SAMD13: variants seen among roughly 807,000 people sequenced by gnomAD.
The protein encoded by SAMD13 is sterile alpha motif domain containing 13.
In SAMD13, 9 loss-of-function variants were observed where a neutral mutation model predicts 12.4. The observed-to-expected ratio is 0.72, with a 90% CI of 0.44 to 1.26. The LOEUF (loss-of-function observed/expected upper bound fraction) is 1.26. SAMD13 is among the 50% of genes most tolerant of loss of function. SAMD13 has a pLI of 0.00. For synonymous variants in SAMD13, 46 were observed against 45.4 expected (o/e 1.01, Z -0.05); for missense variants, 84 against 119.6 (o/e 0.70, Z 1.39).
At chr1:84,327,812 A>G (rs1363575874) in intron 3 of SAMD13, among the ~76,000 whole-genome samples, 1 of 152,158 alleles carries the variant, frequency 6.6e-6, no homozygotes, top group Non-Finnish European at 1.5e-5. Context: ...TGTTCAGAAT[A>G]TGGGTATTTA....
In SAMD13 at chr1:84,345,577, C is replaced by T. The variant is rs149709394; in HGVS notation, c.166-4054C>T. 7.2e-5 allele frequency among the ~76,000 whole-genome samples: 11 copies of T among 152,324 alleles called. No individual in the cohort carries two copies. The East Asian group carries it at 1.7e-3, about 24-fold the overall frequency. Reference sequence around the variant, plus strand: ...CCACAAATATGGCCTTCCCAGTCAGCGCAGAGCCCGACCTTCATAAATTCC... The same window carrying T: ...CCACAAATATGGCCTTCCCAGTCAGTGCAGAGCCCGACCTTCATAAATTCC... On this transcript the variant is annotated intron_variant, in intron 3 of 3. Transcript: ENST00000394834.
At chr1:84,315,159 T>C (rs1472838587) in intron 2 of SAMD13, among the ~76,000 whole-genome samples, 1 of 152,174 alleles carries the variant, frequency 6.6e-6, no homozygotes. Context: ...TATTATTATC[T>C]GTAGGCACAA....
chr1:84,299,861 C>T (rs921796194), upstream of SAMD13, among the ~76,000 whole-genome samples: 1 of 151,972 alleles, frequency 6.6e-6, no homozygotes, highest in Admixed American at 6.6e-5. Flanking sequence ...CTTTTGATCA[C>T]AGCAGGCCAG....
At chr1:84,314,155 T>A (rs977475801) in intron 2 of SAMD13, among the ~76,000 whole-genome samples, 15 of 152,236 alleles carry the variant, frequency 9.9e-5, no homozygotes, top group African/African-American at 3.4e-4. Flanking sequence ...AAAAGAGAAC[T>A]TTTCATATAA....
rs183747451 is a variant in SAMD13, at chr1:84,313,503, C to T, written c.53+10216C>T. Among the ~76,000 whole-genome samples the T allele has an allele frequency of 2.5e-3, 383 of 152,240 alleles. 1 individual carries two copies. Among genetic ancestry groups the T allele is most frequent in the Non-Finnish European group, 4.1e-3 (278 of 68,014 alleles). ...TTCCCCATTTGCTTAGTCTTTCTCA[C>T]TCCCTTTTTCAGATGAAAAATGTCT... On this transcript the variant is annotated intron_variant, in intron 2 of 3. Transcript: ENST00000394834.
At chr1:84,312,045 T>C (rs1036328407) in intron 2 of SAMD13, among the ~76,000 whole-genome samples, 5 of 152,170 alleles carry the variant, frequency 3.3e-5, no homozygotes, top group African/African-American at 1.2e-4. Context: ...GGTGGCTTGA[T>C]AGGAAAATCT....
chr1:84,348,745 A>G (rs951350216), intron 3 of SAMD13, among the ~76,000 whole-genome samples: 7 of 152,120 alleles, frequency 4.6e-5, no homozygotes, highest in Non-Finnish European at 8.8e-5. Context: ...CCTGGAGTGC[A>G]GTGTACCTGA....
chr1:84,299,488 C>A, upstream of SAMD13: 5 of 609,546 alleles, frequency 8.2e-6, no homozygotes, highest in Non-Finnish European at 1.2e-5. Flanking sequence ...CACCCCCACA[C>A]ACCACATACA....
intron 3 of SAMD13, among the ~76,000 whole-genome samples, chr1:84,343,860 T>A (rs1373471144): frequency 6.6e-6 from 1 of 152,070 alleles, no homozygotes; most frequent in Non-Finnish European, 1.5e-5. Flanking sequence ...AAAATAAAAT[T>A]TAAATTTAAA....
chr1:84,308,856 TC>T (rs1212398885), intron 2 of SAMD13, among the ~76,000 whole-genome samples: 4 of 152,108 alleles, frequency 2.6e-5, no homozygotes, highest in Non-Finnish European at 5.9e-5. Flanking sequence ...AAGAAGCAAC[TC>T]CTAACCCAAA....
chr1:84,302,699 A>T, intron 1 of SAMD13: 1 of 986,108 alleles, frequency 1.0e-6, no homozygotes, highest in Non-Finnish European at 1.2e-6. Context: ...AGGTAGGGGA[A>T]TACTTGCTGA....
Position 84,345,205 on chromosome 1 carries a change from T to G in SAMD13, c.166-4426T>G, listed in dbSNP as rs185505735. On this transcript the variant is annotated intron_variant, in intron 3 of 3. Transcript: ENST00000394834. ...GGCAAGAGAGTTGTTACAAAGAAAG[T>G]GCTAGAAGATGTGAGGGGGAAGAAT... 2.0e-5 allele frequency: 9 copies of G among 456,252 alleles called. No homozygotes were observed. In the Admixed American group the frequency reaches 2.1e-4, roughly 11 times the overall value. The allele number at this position is 456,252 out of a possible 1,614,324, so 28.3% of individuals were successfully genotyped here. A position where few individuals can be genotyped will look rare whatever the true frequency, so the allele number is the denominator to read the frequency against.
intron 2 of SAMD13, among the ~76,000 whole-genome samples, chr1:84,323,439 A>G (rs1171252660): frequency 6.6e-6 from 1 of 152,128 alleles, no homozygotes; most frequent in Non-Finnish European, 1.5e-5. Context: ...GCATATGGGT[A>G]TGTGTGTATA....
At chr1:84,315,392 TC>T (rs1476923913) in intron 2 of SAMD13, among the ~76,000 whole-genome samples, 3 of 152,192 alleles carry the variant, frequency 2.0e-5, no homozygotes, top group Non-Finnish European at 4.4e-5. Flanking sequence ...TCAAGGTTCA[TC>T]CATTTTGTTG....
upstream of SAMD13, among the ~76,000 whole-genome samples, chr1:84,300,085 A>G (rs1259895051): frequency 1.3e-5 from 2 of 152,076 alleles, no homozygotes; most frequent in South Asian, 2.1e-4. Flanking sequence ...TCCCAGTCCA[A>G]CTCGCTTCCA....
At chr1:84,300,251 A>G (rs188694901), upstream of SAMD13, among the ~76,000 whole-genome samples, 3 of 152,254 alleles carry the variant, frequency 2.0e-5, no homozygotes, top group Admixed American at 6.5e-5. Flanking sequence ...TGCTCAAAAA[A>G]TACTGCTCAA....
At chr1:84,303,024 C>T (rs1250042953) in intron 1 of SAMD13, 179 bp from the exon 2 acceptor site, 2 of 519,786 alleles carry the variant, frequency 3.8e-6, no homozygotes, top group East Asian at 3.4e-5. Context: ...CAATCCGTCT[C>T]CTCCAGTTCT....
At chr1:84,306,644 CAAA>C (rs386367519) in intron 2 of SAMD13, among the ~76,000 whole-genome samples, 2 of 64,004 alleles carry the variant, frequency 3.1e-5, no homozygotes, top group African/African-American at 1.1e-4. Flanking sequence ...CTAAAAATAC[CAAA>C]AAAAAAAAAA....
At chr1:84,320,273 C>T (rs188788350) in intron 2 of SAMD13, among the ~76,000 whole-genome samples, 84 of 152,246 alleles carry the variant, frequency 5.5e-4, no homozygotes, top group Admixed American at 4.9e-3. Context: ...TAGGATGTTG[C>T]CCAGTTAGGT....
Sources: allele counts gnomAD v4.1 joint callset (sites outside exome capture counted in the v4.1 genomes callset), GRCh38; gene constraint gnomAD v4.1.1; transcripts MANE v1.5; gene names NCBI Gene and HGNC (gene_info 2026-07-23, HGNC 2026-07-21).